The following SH3PXD2B variants were observed in gnomAD, a reference collection of about 807,000 sequenced individuals.
The protein encoded by SH3PXD2B is SH3 and PX domain-containing protein 2B.
Under a neutral mutation model 73.1 loss-of-function variants are expected in SH3PXD2B, and 37 were observed. That is an observed-to-expected ratio of 0.51 (90% CI 0.39 to 0.67). The LOEUF is 0.67. Among genes scored for constraint, SH3PXD2B ranks in the 30% least tolerant of loss-of-function variants. The pLI is 0.00. For synonymous variants in SH3PXD2B, 457 were observed against 480.5 expected (o/e 0.95, Z 0.64); for missense variants, 1,053 against 1,197.8 (o/e 0.88, Z 1.78).
intron 1 of SH3PXD2B, among the ~76,000 whole-genome samples, chr5:172,430,265 C>T (rs2113480275): frequency 6.6e-6 from 1 of 152,350 alleles, no homozygotes; most frequent in African/African-American, 2.4e-5. Context: ...AATGAACTTC[C>T]CACAGCCCGT....
chr5:172,360,760 A>G (rs549965207), intron 7 of SH3PXD2B, among the ~76,000 whole-genome samples: 1 of 152,170 alleles, frequency 6.6e-6, no homozygotes, highest in East Asian at 1.9e-4. Flanking sequence ...TGAACCCGGG[A>G]GGTGGAGGCT....
At chr5:172,431,962 AG>A (rs1355444312) in intron 1 of SH3PXD2B, among the ~76,000 whole-genome samples, 3 of 152,134 alleles carry the variant, frequency 2.0e-5, no homozygotes, top group Admixed American at 6.6e-5. Context: ...GGATCACCTG[AG>A]GTCAGGGGTT....
At position 172,362,754 on chromosome 5, in the gene SH3PXD2B, G is replaced by C; in HGVS notation, c.543C>G (p.Ile181Met). ...CCCCACCTGACTCATTCTTCTCGAT[G>C]ATGTCCACCACCTGCCCCACGCTGA... ...ISLSVGQVVD[I>M]IEKNESGWWF... is the part of the protein sequence containing the mutation. Residue 181 changes from isoleucine (I) to methionine (M), a missense_variant, in exon 7 of 13, where the codon ATC (isoleucine) becomes ATG (methionine). Around this residue, in one of 2 missense-constraint regions of SH3PXD2B, gnomAD observed 466 missense variants for 607.1 expected, o/e 0.77. Transcript: ENST00000311601. 1 of 1,614,120 alleles carries C rather than the reference G, an allele frequency of 6.2e-7. No homozygotes were observed. Among genetic ancestry groups the C allele is most frequent in the East Asian group, 2.2e-5 (1 of 44,874 alleles).
chr5:172,337,574 TTAGG>T lies in SH3PXD2B; in HGVS notation c.*791_*794del. 3.0e-6 allele frequency: 3 copies of T among 985,512 alleles called. No individual in the cohort carries two copies. Among genetic ancestry groups the T allele is most frequent in the Non-Finnish European group, 3.6e-6 (3 of 830,022 alleles). 61.0% of individuals were successfully genotyped at this position (985,512 alleles called of 1,614,324 possible). A position where few individuals can be genotyped will look rare whatever the true frequency, so the allele number is the denominator to read the frequency against. On this transcript the variant is annotated 3_prime_UTR_variant, in exon 13 of 13. Coordinates refer to ENST00000311601, the MANE Select transcript of SH3PXD2B (RefSeq NM_001017995.3). ...TCAAACAAACTTTGAGATTCTTGCT[TTAGG>T]TAGGCAAAAATGAAATGCTCCAAGT...
intron 11 of SH3PXD2B, 27 bp downstream of exon 11, chr5:172,347,256 A>G (rs1204294507): frequency 3.1e-6 from 5 of 1,613,356 alleles, no homozygotes; most frequent in Admixed American, 3.3e-5. Flanking sequence ...GTCAGTGGCC[A>G]CTCCCCAGTA....
intron 1 of SH3PXD2B, among the ~76,000 whole-genome samples, chr5:172,426,833 C>T (rs971106265): frequency 1.3e-4 from 20 of 152,220 alleles, no homozygotes; most frequent in Admixed American, 1.2e-3. Flanking sequence ...GAGAGGAGGG[C>T]TCAGACCCCG....
chr5:172,382,003 G>A (rs1470558577), intron 5 of SH3PXD2B, 33 bp downstream of exon 5: 2 of 1,555,542 alleles, frequency 1.3e-6, no homozygotes, highest in African/African-American at 1.4e-5. Flanking sequence ...GGGCTGTGGG[G>A]CTCCATCTGG....
At chr5:172,376,176 C>T (rs982287805) in intron 5 of SH3PXD2B, among the ~76,000 whole-genome samples, 2 of 151,986 alleles carry the variant, frequency 1.3e-5, no homozygotes, top group Non-Finnish European at 2.9e-5. Context: ...ATTATAGACG[C>T]CCACCACCAC....
At chr5:172,327,005 C>CCT (rs10643759) in intron 12 of SH3PXD2B, among the ~76,000 whole-genome samples, 95,544 of 150,926 alleles carry the variant, frequency 0.63, 30,472 homozygotes, top group South Asian at 0.84. Context: ...TACAGGCATG[C>CCT]GCCACCACCA....
chr5:172,404,891 C>A, intron 3 of SH3PXD2B, among the ~76,000 whole-genome samples: 1 of 152,224 alleles, frequency 6.6e-6, no homozygotes, highest in Non-Finnish European at 1.5e-5. Context: ...ATACCTGTGT[C>A]TGAATTCCAG....
Position 172,346,164 on chromosome 5 carries a change from A to C in SH3PXD2B, c.1160T>G (p.Ile387Ser). The C allele has an allele frequency of 6.2e-7, 1 of 1,614,148 alleles. No homozygotes were observed. The highest frequency in any genetic ancestry group is 8.5e-7 in the Non-Finnish European group (1 of 1,180,022). The stretch of plus-strand genomic sequence containing the variant: ...GACCTTCAGGCCTGCCTGGAAGCTG[A>C]TGCCGTCTGGGATGGTTGTCTGGAA... ...AEFQTTIPDG[I>S]SFQAGLKVEV... is the part of the protein sequence containing the mutation. Residue 387 changes from isoleucine (I) to serine (S), a missense_variant, in exon 12 of 13, where the codon ATC (isoleucine) becomes AGC (serine). Physicochemically the swap from Ile to Ser is moderately radical, Grantham distance 142. Transcript: ENST00000311601.
chr5:172,403,744 A>C (rs1220944764), intron 3 of SH3PXD2B, among the ~76,000 whole-genome samples: 1 of 152,214 alleles, frequency 6.6e-6, no homozygotes, highest in African/African-American at 2.4e-5. Flanking sequence ...AAAAAGCTAC[A>C]TTTGGAGTCC....
intron 2 of SH3PXD2B, among the ~76,000 whole-genome samples, chr5:172,419,048 A>G (rs1030005264): frequency 6.6e-6 from 1 of 152,164 alleles, no homozygotes; most frequent in African/African-American, 2.4e-5. Flanking sequence ...CTTAACCAGC[A>G]CAATAAATGC....
intron 3 of SH3PXD2B, 121 bp downstream of exon 3, chr5:172,406,156 T>A (rs1374361245): frequency 1.7e-6 from 2 of 1,143,682 alleles, no homozygotes; most frequent in African/African-American, 1.6e-5. Flanking sequence ...ATGGCTGAGA[T>A]TCTGGTCAGT....
At chr5:172,442,652 G>A (rs926079276) in intron 1 of SH3PXD2B, among the ~76,000 whole-genome samples, 3 of 152,160 alleles carry the variant, frequency 2.0e-5, no homozygotes, top group African/African-American at 4.8e-5. Flanking sequence ...GATGGCCCGT[G>A]TCACATCATT....
In SH3PXD2B at chr5:172,394,531, G is replaced by A. The variant is rs1031453072; in HGVS notation, c.309+32C>T. ...GAAAAGAAAACAGAATACACCTACA[G>A]GGAAGACTGCGTGGGCATTTCTCAG... On this transcript the variant is annotated intron_variant, in intron 4 of 12. Transcript: ENST00000311601. The A allele has an allele frequency of 2.5e-6, 4 of 1,610,044 alleles. No homozygotes were observed. In the African/African-American group the frequency reaches 5.3e-5, roughly 22 times the overall value.
chr5:172,423,208 T>C (rs1362356081), intron 1 of SH3PXD2B, among the ~76,000 whole-genome samples: 1 of 152,204 alleles, frequency 6.6e-6, no homozygotes, highest in Non-Finnish European at 1.5e-5. Context: ...GGTGCCTGGC[T>C]GGGGCCTTTG....
Position 172,423,213 on chromosome 5 carries a change from C to A in SH3PXD2B, c.76-717G>T, listed in dbSNP as rs142658365. On this transcript the variant is annotated intron_variant, in intron 1 of 12. Transcript: ENST00000311601. ...AGAGGTCAGAGGTGCCTGGCTGGGG[C>A]CTTTGGTGGCCCCGGACACACCAGG... Among the ~76,000 whole-genome samples the A allele has an allele frequency of 3.0e-3, 457 of 152,310 alleles. 4 individuals carry two copies. Among genetic ancestry groups the A allele is most frequent in the African/African-American group, 0.01 (430 of 41,548 alleles).
intron 12 of SH3PXD2B, among the ~76,000 whole-genome samples, chr5:172,343,387 A>C (rs757027092): frequency 9.9e-5 from 15 of 152,240 alleles, no homozygotes; most frequent in Non-Finnish European, 1.9e-4. Context: ...AGATTTGTCA[A>C]GCTTACACTC....
Sources: allele counts gnomAD v4.1 joint callset (sites outside exome capture counted in the v4.1 genomes callset), GRCh38; gene constraint gnomAD v4.1.1; regional missense constraint gnomAD v4.1.1; transcripts MANE v1.5; gene names NCBI Gene and HGNC (gene_info 2026-07-23, HGNC 2026-07-21).